SMCO1: variants seen among roughly 807,000 people sequenced by gnomAD.
SMCO1 encodes the protein single-pass membrane protein with coiled-coil domains 1.
A neutral mutation model predicts 7.5 loss-of-function variants in SMCO1; 9 were observed. That is an observed-to-expected ratio of 1.20 (90% CI 0.72 to 2.09). The LOEUF (loss-of-function observed/expected upper bound fraction) is 2.09, where lower values mean the gene tolerates loss of function less well. Ranked by LOEUF, SMCO1 falls within the 30% of genes most tolerant of loss-of-function variation. SMCO1 has a pLI of 0.00. For missense variants in SMCO1, 219 were observed against 253.1 expected, an observed-to-expected ratio of 0.87 and a Z score of 0.91; for synonymous variants, 90 against 93.8, an observed-to-expected ratio of 0.96 and a Z score of 0.23.
Position 196,508,103 on chromosome 3 carries a change from A to C in SMCO1, c.429T>G (p.Phe143Leu). The C allele has an allele frequency of 1.9e-6, 3 of 1,614,164 alleles. No homozygotes were observed. Among genetic ancestry groups the C allele is most frequent in the Non-Finnish European group, 2.5e-6 (3 of 1,180,020 alleles). ...GTTCTGCCTTGTTACCACGTGCAAT[A>C]AAGAAGGTACAAAGTGCTGTGATGT... ...EGDITALCTF[F>L]IARGNKAEHY... The change falls in exon 3 of 3, where the codon TTT becomes TTG. Residue 143 changes from phenylalanine to leucine, a missense_variant. Phe to Leu is a conservative substitution (Grantham distance 22). Transcript: ENST00000397537.
At chr3:196,518,229 T>C (rs979341878), upstream of SMCO1, among the ~76,000 whole-genome samples, 5 of 152,256 alleles carry the variant, frequency 3.3e-5, no homozygotes, top group East Asian at 9.6e-4. Flanking sequence ...ACCAATCCCT[T>C]GGGCTCTATG....
At chr3:196,510,597 A>G (rs1733193356) in intron 1 of SMCO1, among the ~76,000 whole-genome samples, 1 of 151,902 alleles carries the variant, frequency 6.6e-6, no homozygotes, top group Non-Finnish European at 1.5e-5. Context: ...CCTATTTTCT[A>G]CCCGATTCTA....
upstream of SMCO1, among the ~76,000 whole-genome samples, chr3:196,517,300 G>A (rs1368305615): frequency 6.6e-6 from 1 of 151,946 alleles, no homozygotes; most frequent in African/African-American, 2.4e-5. Flanking sequence ...TGCTAATGAG[G>A]TGATTTAGGG....
chr3:196,512,636 C>T (rs1263450844), intron 1 of SMCO1, among the ~76,000 whole-genome samples: 6 of 151,250 alleles, frequency 4.0e-5, no homozygotes, highest in Non-Finnish European at 8.8e-5. Flanking sequence ...CTCAGTCTCC[C>T]GAGTAGCTGG....
At chr3:196,519,675 C>T (rs573012722), upstream of SMCO1, among the ~76,000 whole-genome samples, 1 of 152,314 alleles carries the variant, frequency 6.6e-6, no homozygotes, top group African/African-American at 2.4e-5. Flanking sequence ...AGTAGCCAAT[C>T]CAGCACATTC....
At chr3:196,515,687 A>C (rs964709218), upstream of SMCO1, among the ~76,000 whole-genome samples, 5 of 152,072 alleles carry the variant, frequency 3.3e-5, no homozygotes, top group African/African-American at 1.2e-4. Context: ...AAAAAATCTA[A>C]CTATCATTAG....
At position 196,515,190 on chromosome 3, in the gene SMCO1, G is replaced by A. The variant is rs201500241; in HGVS notation, c.20C>T (p.Thr7Ile). Reference protein sequence around the residue: MNNETTTLISLKEAMKR... With the variant: MNNETTILISLKEAMKR... Reference sequence around the variant, plus strand: ...CATTGCCTCCTTCAAGGATATCAGGGTTGTGGTTTCATTGTTCATCTTCTG... The same window carrying A: ...CATTGCCTCCTTCAAGGATATCAGGATTGTGGTTTCATTGTTCATCTTCTG... Residue 7 changes from threonine to isoleucine, a missense_variant, in exon 1 of 3, where the codon ACC (threonine) becomes ATC (isoleucine). Coordinates refer to ENST00000397537, the MANE Select transcript of SMCO1 (RefSeq NM_001077657.3). The A allele has an allele frequency of 6.2e-7, 1 of 1,613,742 alleles. No homozygotes were observed. The highest frequency in any genetic ancestry group is 8.5e-7 in the Non-Finnish European group (1 of 1,179,658).
chr3:196,519,769 G>A (rs1008561161), upstream of SMCO1, among the ~76,000 whole-genome samples: 1 of 152,114 alleles, frequency 6.6e-6, no homozygotes, highest in African/African-American at 2.4e-5. Context: ...ACAAGTCTAG[G>A]AAATAAAAGG....
chr3:196,512,968 G>T (rs954369592), intron 1 of SMCO1, among the ~76,000 whole-genome samples: 5 of 152,138 alleles, frequency 3.3e-5, no homozygotes, highest in African/African-American at 1.2e-4. Flanking sequence ...AGTATAAAAT[G>T]TTCATTTTGT....
chr3:196,508,184 C>T lies in SMCO1; in HGVS notation c.348G>A (p.Lys116=), dbSNP rs758063601. 6.2e-7 allele frequency: 1 copy of T among 1,614,166 alleles called. No individual in the cohort carries two copies. The highest frequency in any genetic ancestry group is 8.5e-7 in the Non-Finnish European group (1 of 1,180,044). Residue 116 remains lysine, a synonymous_variant, in exon 3 of 3, where the codon AAG becomes AAA. Coordinates refer to ENST00000397537, the MANE Select transcript of SMCO1 (RefSeq NM_001077657.3). ...ASVLRRKVKN[K]RVRVVWESIL... is the part of the protein sequence containing the mutation. ...TGGACTCCCATACAACTCTAACGCG[C>T]TTGTTCTTAACTTTTCTTCTGAGTA...
intron 1 of SMCO1, among the ~76,000 whole-genome samples, chr3:196,510,983 G>A (rs1182432136): frequency 6.6e-6 from 1 of 152,200 alleles, no homozygotes; most frequent in East Asian, 1.9e-4. Flanking sequence ...AGGCTGCTGT[G>A]GCACCAGCAT....
upstream of SMCO1, among the ~76,000 whole-genome samples, chr3:196,519,943 A>T (rs1012071524): frequency 6.6e-6 from 1 of 151,584 alleles, no homozygotes; most frequent in African/African-American, 2.4e-5. Flanking sequence ...GTCGGGGGGG[A>T]CGCTCCCACT....
intron 2 of SMCO1, among the ~76,000 whole-genome samples, chr3:196,508,576 C>T (rs1453658321): frequency 6.6e-6 from 1 of 151,854 alleles, no homozygotes; most frequent in African/African-American, 2.4e-5. Flanking sequence ...GATCCTGTCG[C>T]CTCGGCTTCC....
At chr3:196,517,012 T>A (rs1278555767), upstream of SMCO1, among the ~76,000 whole-genome samples, 1 of 138,320 alleles carries the variant, frequency 7.2e-6, no homozygotes, top group Non-Finnish European at 1.5e-5. Flanking sequence ...GATAGGAGAA[T>A]CGCTCAAACC....
chr3:196,515,234 A>G lies in SMCO1; in HGVS notation c.-25T>C, dbSNP rs1354910307. The G allele has an allele frequency of 1.3e-6, 2 of 1,572,970 alleles. No homozygotes were observed. Among genetic ancestry groups the G allele is most frequent in the African/African-American group, 2.7e-5 (2 of 74,002 alleles). On this transcript the variant is annotated 5_prime_UTR_variant, in exon 1 of 3. Coordinates refer to ENST00000397537, the MANE Select transcript of SMCO1 (RefSeq NM_001077657.3). Reference sequence around the variant, plus strand: ...TCTTCTGAAGGCAAAAGGAAAGAAAACAAAAACAAAGCAAAACAAAAAAAG... The same window carrying G: ...TCTTCTGAAGGCAAAAGGAAAGAAAGCAAAAACAAAGCAAAACAAAAAAAG...
chr3:196,515,988 G>GATATATATATAT (rs200613159), upstream of SMCO1, among the ~76,000 whole-genome samples: 15 of 23,846 alleles, frequency 6.3e-4, no homozygotes, highest in East Asian at 1.4e-3. Flanking sequence ...AAGAGGATAG[G>GATATATATATAT]ATATATATAT....
intron 1 of SMCO1, among the ~76,000 whole-genome samples, chr3:196,512,193 G>A (rs114221731): frequency 2.1e-4 from 29 of 139,882 alleles, no homozygotes; most frequent in East Asian, 6.3e-4. Context: ...TGCCTGGGCC[G>A]CCTAGATTGT....
At chr3:196,512,509 C>CT (rs36023059) in intron 1 of SMCO1, among the ~76,000 whole-genome samples, 5,018 of 114,018 alleles carry the variant, frequency 0.044, 351 homozygotes, top group African/African-American at 0.11. Flanking sequence ...TATTTCCTTT[C>CT]TTTTTTTTTT....
chr3:196,515,142 C>T lies in SMCO1; in HGVS notation c.50+18G>A. ...ATAGCAGACCCATGCTTGCTCCCTC[C>T]CTATAGCCCTCAGCAACCTTTTCAT... is the stretch of plus-strand genomic sequence containing the variant. On this transcript the variant is annotated intron_variant, in intron 1 of 2. Coordinates refer to ENST00000397537, the MANE Select transcript of SMCO1 (RefSeq NM_001077657.3). 1 of 1,613,928 alleles carries T rather than the reference C, an allele frequency of 6.2e-7. No homozygotes were observed. The highest frequency in any genetic ancestry group is 1.1e-5 in the South Asian group (1 of 91,082).
Sources: allele counts gnomAD v4.1 joint callset (sites outside exome capture counted in the v4.1 genomes callset), GRCh38; gene constraint gnomAD v4.1.1; transcripts MANE v1.5; gene names NCBI Gene and HGNC (gene_info 2026-07-23, HGNC 2026-07-21).